ASAP3: variants seen among roughly 807,000 people sequenced by gnomAD.
The protein encoded by ASAP3 is arf-GAP with SH3 domain, ANK repeat and PH domain-containing protein 3.
ASAP3 carries 85 observed loss-of-function variants against 118.2 expected under a neutral mutation model. That is an observed-to-expected ratio of 0.72 (90% CI 0.60 to 0.86). ASAP3 has a LOEUF of 0.86. Among genes scored for constraint, ASAP3 ranks in the 40% least tolerant of loss-of-function variants. The probability of loss-of-function intolerance (pLI) is 0.00; values close to 1 mark genes in which losing one functional copy is unlikely to be tolerated. For synonymous variants in ASAP3, 432 were observed against 477.4 expected, an observed-to-expected ratio of 0.90 and a Z score of 1.24; for missense variants, 1,026 against 1,175.0, an observed-to-expected ratio of 0.87 and a Z score of 1.85.
chr1:23,464,193 A>AT (rs1051541973), intron 1 of ASAP3, among the ~76,000 whole-genome samples: 21 of 144,200 alleles, frequency 1.5e-4, no homozygotes, highest in Admixed American at 2.8e-4. Context: ...AAAAAAAAAA[A>AT]TTTTTTTTTT....
chr1:23,448,351 G>T (rs1325135088), intron 5 of ASAP3, among the ~76,000 whole-genome samples: 1 of 152,190 alleles, frequency 6.6e-6, no homozygotes, highest in Non-Finnish European at 1.5e-5. Context: ...AACAATAGCA[G>T]CTTTCCCTGC....
chr1:23,452,975 G>C (rs945050645), intron 3 of ASAP3, among the ~76,000 whole-genome samples: 99 of 152,198 alleles, frequency 6.5e-4, no homozygotes, highest in Middle Eastern at 3.4e-3. Context: ...GGGGACTAGA[G>C]GATCCAGCTC....
chr1:23,480,827 G>T (rs1201423022), intron 1 of ASAP3, among the ~76,000 whole-genome samples: 1 of 152,156 alleles, frequency 6.6e-6, no homozygotes, highest in East Asian at 1.9e-4. Flanking sequence ...GGGCATAAAG[G>T]GGCCCAAGAC....
rs192247823 is a variant in ASAP3, at chr1:23,430,989, A to T, written c.2637+46T>A. 5 of 1,482,788 alleles carry T rather than the reference A, an allele frequency of 3.4e-6. No individual in the cohort carries two copies. In the African/African-American group the frequency reaches 4.2e-5, roughly 13 times the overall value. The allele number at this position is 1,482,788 out of a possible 1,614,324, so 91.9% of individuals were successfully genotyped here. On this transcript the variant is annotated intron_variant, in intron 24 of 24. Transcript: ENST00000336689. ...CTACTCTTGACTAACTCTGCCTCCC[A>T]GGCACCCTGCCACCGCCCCTCAAAC...
intron 1 of ASAP3, among the ~76,000 whole-genome samples, chr1:23,482,719 C>G (rs1023491528): frequency 6.6e-6 from 1 of 151,902 alleles, no homozygotes; most frequent in Non-Finnish European, 1.5e-5. Flanking sequence ...GAGGCCGAGA[C>G]GGGCGGATCA....
At chr1:23,472,972 G>A (rs148793377) in intron 1 of ASAP3, among the ~76,000 whole-genome samples, 2 of 152,178 alleles carry the variant, frequency 1.3e-5, no homozygotes, top group Admixed American at 6.6e-5. Context: ...TTTAGTTACT[G>A]GACTCTCGCC....
In ASAP3 at chr1:23,438,721, G is replaced by T. The variant is rs78903526; in HGVS notation, c.1102+26C>A. The T allele has an allele frequency of 1.2e-5, 20 of 1,607,694 alleles. No individual in the cohort carries two copies. The highest frequency in any genetic ancestry group is 1.5e-5 in the Non-Finnish European group (18 of 1,174,242). ...AGAGAAGCCCTGAGCAGCTGTGGGT[G>T]GGGGAGAGGCACAGGGACCACTCAC... On this transcript the variant is annotated intron_variant, in intron 12 of 24. Coordinates refer to ENST00000336689, the MANE Select transcript of ASAP3 (RefSeq NM_017707.4). This position sits in a 1 kb window ranked among gnomAD's most constrained non-coding sequence, Gnocchi z 4.9.
intron 6 of ASAP3, 65 bp from the exon 7 acceptor site, chr1:23,442,336 G>A: frequency 6.4e-7 from 1 of 1,563,632 alleles, no homozygotes; most frequent in East Asian, 2.3e-5. Context: ...ACGAGGGGCT[G>A]CAGTCCCCAT....
chr1:23,470,413 T>C (rs1192022469), intron 1 of ASAP3, among the ~76,000 whole-genome samples: 1 of 152,124 alleles, frequency 6.6e-6, no homozygotes, highest in African/African-American at 2.4e-5. Flanking sequence ...CTCTGCCTCA[T>C]CCATACCAAG....
intron 17 of ASAP3, 101 bp from the exon 18 acceptor site, chr1:23,434,719 G>A: frequency 1.7e-6 from 2 of 1,161,900 alleles, no homozygotes; most frequent in Non-Finnish European, 2.5e-6. Context: ...TCCCCCCATA[G>A]GAAGCTGCCA....
At position 23,479,825 on chromosome 1, in the gene ASAP3, G is replaced by A. The variant is rs1413855783; in HGVS notation, c.129+4180C>T. 2.6e-5 allele frequency: 4 copies of A among 152,318 alleles called. No homozygotes were observed. The East Asian group carries it at 5.8e-4, about 22-fold the overall frequency. The allele number at this position is 152,318 out of a possible 1,614,324, so 9.4% of individuals were successfully genotyped here. A position where few individuals can be genotyped will look rare whatever the true frequency, so the allele number is the denominator to read the frequency against. ...AGCAATTACCTCTGGGGAGAATACAGGGATTGAGATAGTTGTTCATAGGCC... is the reference window on the plus strand; with the variant it reads ...AGCAATTACCTCTGGGGAGAATACAAGGATTGAGATAGTTGTTCATAGGCC... On this transcript the variant is annotated intron_variant, in intron 1 of 24. Transcript: ENST00000336689.
intron 3 of ASAP3, 101 bp from the exon 4 acceptor site, chr1:23,452,872 G>C: frequency 1.7e-6 from 2 of 1,150,048 alleles, no homozygotes; most frequent in Non-Finnish European, 2.6e-6. Context: ...GAGAGCAGCG[G>C]GGAAGGGAAG....
In ASAP3 at chr1:23,438,686, C is replaced by T. The variant is rs1787648; in HGVS notation, c.1102+61G>A. 20,009 of 1,506,372 alleles carry T rather than the reference C, an allele frequency of 0.013. 1,895 individuals carry two copies. The African/African-American group carries it at 0.22, about 16-fold the overall frequency. The allele number at this position is 1,506,372 out of a possible 1,614,324, so 93.3% of individuals were successfully genotyped here. On this transcript the variant is annotated intron_variant, in intron 12 of 24. Transcript: ENST00000336689. This position sits in a 1 kb window ranked among gnomAD's most constrained non-coding sequence, Gnocchi z 4.9. ...CTCACTGAAGCCCCCCGGGAGCTGA[C>T]AGGTGTCTTAGAGAAGCCCTGAGCA...
In ASAP3 at chr1:23,431,108, G is replaced by C. The variant is rs1173292268; in HGVS notation, c.2564C>G (p.Ser855Cys). ...AGGGCTCCGCGCCCCCCGCCGATAG[G>C]AGCGAGTGCTCTCGGAGCTGGAAGG... ...PVRFSSESTR[S>C]YRRGARSPED... Residue 855 changes from serine to cysteine, a missense_variant, in exon 24 of 25, where the codon TCC (serine) becomes TGC (cysteine). Transcript: ENST00000336689. The C allele has an allele frequency of 6.3e-7, 1 of 1,591,784 alleles. No individual in the cohort carries two copies. Among genetic ancestry groups the C allele is most frequent in the Non-Finnish European group, 8.5e-7 (1 of 1,169,842 alleles).
chr1:23,441,026 T>C (rs770568096), intron 10 of ASAP3, 76 bp downstream of exon 10: 9 of 1,364,670 alleles, frequency 6.6e-6, no homozygotes, highest in Non-Finnish European at 8.3e-6. Flanking sequence ...AACAGTTCCT[T>C]TGGGCAGCTT....
chr1:23,456,346 T>C (rs1641386383), intron 1 of ASAP3, 152 bp from the exon 2 acceptor site: 1 of 700,490 alleles, frequency 1.4e-6, no homozygotes, highest in Non-Finnish European at 2.4e-6. Flanking sequence ...CCTAGGGTCT[T>C]CCTGTTTACC....
At chr1:23,454,386 A>G (rs1641318677) in intron 3 of ASAP3, among the ~76,000 whole-genome samples, 2 of 152,224 alleles carry the variant, frequency 1.3e-5, no homozygotes, top group South Asian at 2.1e-4. Flanking sequence ...CAGTTTCACC[A>G]TGTTGGCCAG....
intron 1 of ASAP3, among the ~76,000 whole-genome samples, chr1:23,476,876 T>C (rs1216798227): frequency 2.0e-5 from 3 of 152,208 alleles, no homozygotes; most frequent in Non-Finnish European, 4.4e-5. Flanking sequence ...TTTAGTTTTT[T>C]TTTTTCTTTC....
At chr1:23,440,369 C>T (rs1298106726) in intron 10 of ASAP3, among the ~76,000 whole-genome samples, 2 of 146,014 alleles carry the variant, frequency 1.4e-5, no homozygotes, top group African/African-American at 5.0e-5. Context: ...GGCGTAGTGG[C>T]GGGCACCTGT....
Sources: allele counts gnomAD v4.1 joint callset (sites outside exome capture counted in the v4.1 genomes callset), GRCh38; gene constraint gnomAD v4.1.1; non-coding constraint Gnocchi (gnomAD v3.1); transcripts MANE v1.5; gene names NCBI Gene and HGNC (gene_info 2026-07-23, HGNC 2026-07-21).